Variants in TUT7 observed in about 807,000 individuals in gnomAD.
TUT7 encodes the protein terminal uridylyltransferase 7.
Under a neutral mutation model 165.9 loss-of-function variants are expected in TUT7, and 33 were observed. The observed-to-expected ratio is 0.20, with a 90% CI of 0.15 to 0.27. TUT7 has a LOEUF of 0.27. TUT7 is among the 10% of genes least tolerant of loss of function. TUT7 has a pLI of 1.00. For missense variants in TUT7, 1,338 were observed against 1,762.3 expected, an observed-to-expected ratio of 0.76 and a Z score of 4.31; for synonymous variants, 552 against 608.1, an observed-to-expected ratio of 0.91 and a Z score of 1.36.
intron 2 of TUT7, among the ~76,000 whole-genome samples, chr9:86,352,080 T>C (rs989847645): frequency 3.3e-5 from 5 of 152,030 alleles, no homozygotes; most frequent in African/African-American, 1.2e-4. Flanking sequence ...ACAGCAAAGC[T>C]TGAATCTATT....
chr9:86,320,293 G>A (rs1303350764), intron 14 of TUT7, among the ~76,000 whole-genome samples: 1 of 147,110 alleles, frequency 6.8e-6, no homozygotes, highest in African/African-American at 2.5e-5. Context: ...AAGAACACGT[G>A]TCTTCTGACA....
At chr9:86,351,212 G>A (rs1235771342) in intron 2 of TUT7, among the ~76,000 whole-genome samples, 1 of 151,280 alleles carries the variant, frequency 6.6e-6, no homozygotes, top group Non-Finnish European at 1.5e-5. Flanking sequence ...AAGGTGGGTG[G>A]ATCACTGGAG....
intron 26 of TUT7, among the ~76,000 whole-genome samples, chr9:86,294,866 T>TA (rs35204661): frequency 3.5e-4 from 51 of 144,476 alleles, no homozygotes; most frequent in African/African-American, 6.0e-4. Context: ...GCATTAGGTA[T>TA]AAAAAAAAAA....
In TUT7 at chr9:86,311,673, G is replaced by C. The variant is rs941213860; in HGVS notation, c.3275-864C>G. Among the ~76,000 whole-genome samples, 1 of 97,296 alleles carries C rather than the reference G, an allele frequency of 1.0e-5. No homozygotes were observed. Among genetic ancestry groups the C allele is most frequent in the Non-Finnish European group, 2.0e-5 (1 of 50,270 alleles). 63.8% of individuals were successfully genotyped at this position (97,296 alleles called of 152,430 possible). A position where few individuals can be genotyped will look rare whatever the true frequency, so the allele number is the denominator to read the frequency against. On this transcript the variant is annotated intron_variant, in intron 17 of 26. Transcript: ENST00000375963. This position sits in a 1 kb window ranked among gnomAD's most constrained non-coding sequence, Gnocchi z 4.4. ...GCCGGTCTCCCTCTGATGCCGAGCC[G>C]AAGCTGGACTGTACCGCTGCCATCT... is the stretch of plus-strand genomic sequence containing the variant.
At chr9:86,309,765 T>C (rs760650700) in intron 19 of TUT7, among the ~76,000 whole-genome samples, 163 bp downstream of exon 19, 7 of 152,242 alleles carry the variant, frequency 4.6e-5, no homozygotes, top group Non-Finnish European at 7.3e-5. Flanking sequence ...GGTCATTGTA[T>C]AAAATTCAGA....
intron 10 of TUT7, among the ~76,000 whole-genome samples, chr9:86,335,298 C>T (rs1458758931): frequency 6.6e-6 from 1 of 152,108 alleles, no homozygotes; most frequent in East Asian, 1.9e-4. Flanking sequence ...CCTGGCATCT[C>T]TAAAGTATGA....
chr9:86,289,518 T>TA (rs1825755942), intron 26 of TUT7, among the ~76,000 whole-genome samples: 1 of 151,382 alleles, frequency 6.6e-6, no homozygotes. Flanking sequence ...TCCAAGTGAA[T>TA]ACAGAATTAA....
chr9:86,325,691 A>C (rs755908828), intron 11 of TUT7, among the ~76,000 whole-genome samples, 177 bp from the exon 12 acceptor site: 16 of 152,256 alleles, frequency 1.1e-4, no homozygotes, highest in Non-Finnish European at 1.8e-4. Flanking sequence ...GTAAAACAGC[A>C]TTACTTCACT....
rs1483460736 is a variant in TUT7, at chr9:86,311,481, G to C, written c.3275-672C>G. Among the ~76,000 whole-genome samples the C allele has an allele frequency of 6.6e-6, 1 of 152,148 alleles. No homozygotes were observed. The highest frequency in any genetic ancestry group is 1.5e-5 in the Non-Finnish European group (1 of 68,034). ...GTTGCCGAATGAACTTGAGGGAATG[G>C]AATATGAGGCATAGGAGATGGTGGA... On this transcript the variant is annotated intron_variant, in intron 17 of 26. Transcript: ENST00000375963. This position sits in a 1 kb window ranked among gnomAD's most constrained non-coding sequence, Gnocchi z 4.4.
In TUT7 at chr9:86,311,764, T is replaced by C. The variant is rs1417649543; in HGVS notation, c.3275-955A>G. ...CCTGCCGAGTGCCTGCGATTGCAGGTGCGCGCCGCCACGCCTGACTGGTTT... is the reference window on the plus strand; with the variant it reads ...CCTGCCGAGTGCCTGCGATTGCAGGCGCGCGCCGCCACGCCTGACTGGTTT... On this transcript the variant is annotated intron_variant, in intron 17 of 26. Coordinates refer to ENST00000375963, the MANE Select transcript of TUT7 (RefSeq NM_024617.4). The surrounding 1 kb of genome is among the most constrained non-coding windows in gnomAD (Gnocchi z 4.4). 2.6e-5 allele frequency among the ~76,000 whole-genome samples: 4 copies of C among 151,752 alleles called. No homozygotes were observed. Among genetic ancestry groups the C allele is most frequent in the South Asian group, 2.1e-4 (1 of 4,786 alleles).
At chr9:86,298,295 G>A (rs1400845781) in intron 26 of TUT7, among the ~76,000 whole-genome samples, 1 of 152,152 alleles carries the variant, frequency 6.6e-6, no homozygotes, top group Non-Finnish European at 1.5e-5. Flanking sequence ...TGTTGAGGCT[G>A]GTGTCCTGAA....
rs1283458413 is a variant in TUT7, at chr9:86,308,532, G to A, written c.3735C>T (p.Tyr1245=). The A allele has an allele frequency of 6.2e-7, 1 of 1,614,008 alleles. No homozygotes were observed. The highest frequency in any genetic ancestry group is 8.5e-7 in the Non-Finnish European group (1 of 1,179,960). ...GQLWLGLLRF[Y]TEEFDFKEHV... ...GTTCTTTAAAATCAAATTCCTCTGTGTAGAAACGAAGAAGGCCCAACCATA... is the reference window on the plus strand; with the variant it reads ...GTTCTTTAAAATCAAATTCCTCTGTATAGAAACGAAGAAGGCCCAACCATA... The change falls in exon 22 of 27, where the codon TAC becomes TAT. Residue 1245 remains tyrosine, a synonymous_variant. Transcript: ENST00000375963.
rs145331258 is a variant in TUT7 at position 86,352,952 on chromosome 9, A to G, written c.248T>C (p.Ile83Thr). The G allele has an allele frequency of 8.1e-6, 13 of 1,614,026 alleles. No individual in the cohort carries two copies. The highest frequency in any genetic ancestry group is 1.1e-5 in the Non-Finnish European group (13 of 1,180,032). ...ATTCATCCAAGCGGGTTGACTGTAG[A>G]TTGGGTTTTTAAATGCATATGGATT... Reference protein sequence around the residue: ...SSNPYAFKNPIYSQPAWMNDS... With the variant: ...SSNPYAFKNPTYSQPAWMNDS... The change falls in exon 2 of 27, where the codon ATC (isoleucine) becomes ACC (threonine). Residue 83 changes from isoleucine (I) to threonine (T), a missense_variant. Physicochemically the swap from Ile to Thr is moderately conservative, Grantham distance 89. This residue lies in a region of TUT7 where 434 missense variants were observed against 480.8 expected (regional missense o/e 0.90). Coordinates refer to ENST00000375963, the MANE Select transcript of TUT7 (RefSeq NM_024617.4).
At chr9:86,349,946 T>C (rs1287565224) in intron 2 of TUT7, among the ~76,000 whole-genome samples, 1 of 152,200 alleles carries the variant, frequency 6.6e-6, no homozygotes, top group East Asian at 1.9e-4. Context: ...AGAATACACA[T>C]AAAATAAGAA....
At chr9:86,297,045 A>G (rs1426376413) in intron 26 of TUT7, among the ~76,000 whole-genome samples, 1 of 152,196 alleles carries the variant, frequency 6.6e-6, no homozygotes, top group African/African-American at 2.4e-5. Flanking sequence ...TTAAGTTAAT[A>G]CTTTTTTTCC....
intron 18 of TUT7, 146 bp downstream of exon 18, chr9:86,310,560 T>C (rs2131354967): frequency 3.3e-6 from 2 of 598,984 alleles, no homozygotes; most frequent in Admixed American, 2.9e-5. Context: ...CTCAGAACAC[T>C]GCCAGGTTCA....
At chr9:86,349,614 C>T (rs1369493815) in intron 2 of TUT7, among the ~76,000 whole-genome samples, 1 of 152,146 alleles carries the variant, frequency 6.6e-6, no homozygotes, top group Admixed American at 6.5e-5. Context: ...TATCTTCTCA[C>T]ATTGTTGAAT....
At chr9:86,334,623 GTTT>G (rs1309191931) in intron 10 of TUT7, among the ~76,000 whole-genome samples, 3 of 151,966 alleles carry the variant, frequency 2.0e-5, no homozygotes, top group Non-Finnish European at 4.4e-5. Flanking sequence ...CGTTTGTTCA[GTTT>G]TTTTTCTTGT....
In TUT7 at chr9:86,309,214, G is replaced by T; in HGVS notation, c.3658C>A (p.Leu1220Met). The T allele has an allele frequency of 6.4e-7, 1 of 1,562,100 alleles. No homozygotes were observed. The highest frequency in any genetic ancestry group is 8.8e-7 in the Non-Finnish European group (1 of 1,136,548). ...ATCTTTACTCTTAAAATACGTACCA[G>T]TTCATCTATTTGATCAAAAAAATAA... The part of the protein sequence containing the change: ...NIYFFDQIDE[L>M]PTYWSECGKN... Residue 1220 changes from leucine to methionine, a missense_variant and splice_region_variant, in exon 21 of 27, where the codon CTG (leucine) becomes ATG (methionine). Around this residue, in one of 7 missense-constraint regions of TUT7, gnomAD observed 157 missense variants for 357.5 expected, o/e 0.44. Coordinates refer to ENST00000375963, the MANE Select transcript of TUT7 (RefSeq NM_024617.4).
Sources: allele counts gnomAD v4.1 joint callset (sites outside exome capture counted in the v4.1 genomes callset), GRCh38; gene constraint gnomAD v4.1.1; regional missense constraint gnomAD v4.1.1; non-coding constraint Gnocchi (gnomAD v3.1); transcripts MANE v1.5; gene names NCBI Gene and HGNC (gene_info 2026-07-23, HGNC 2026-07-21).